TMCC1: variants seen among roughly 807,000 people sequenced by gnomAD.
TMCC1 encodes the protein transmembrane and coiled-coil domain family 1.
A neutral mutation model predicts 52.4 loss-of-function variants in TMCC1; 15 were observed. The ratio of observed to expected loss-of-function variants is 0.29; its 90% CI spans 0.19 to 0.44. The LOEUF (loss-of-function observed/expected upper bound fraction) is 0.44. TMCC1 is among the 20% of genes least tolerant of loss of function. The pLI, the probability that TMCC1 is intolerant of heterozygous loss-of-function variation, is 1.00. For synonymous variants in TMCC1, 279 were observed against 301.9 expected, an observed-to-expected ratio of 0.92 and a Z score of 0.79; for missense variants, 503 against 806.0, an observed-to-expected ratio of 0.62 and a Z score of 4.55.
At chr3:129,802,651 T>C (rs988635957) in intron 4 of TMCC1, among the ~76,000 whole-genome samples, 11 of 152,156 alleles carry the variant, frequency 7.2e-5, no homozygotes, top group Admixed American at 6.6e-4. Context: ...CAATAGCACC[T>C]AGGCCATTGT....
chr3:129,863,297 T>C (rs1340452490), intron 2 of TMCC1, among the ~76,000 whole-genome samples: 7 of 152,210 alleles, frequency 4.6e-5, no homozygotes. Flanking sequence ...TTCCAACAAA[T>C]TACCTTATTA....
At chr3:129,858,249 T>C (rs2060231092) in intron 2 of TMCC1, among the ~76,000 whole-genome samples, 2 of 152,238 alleles carry the variant, frequency 1.3e-5, no homozygotes, top group Non-Finnish European at 1.5e-5. Context: ...TAACACAACT[T>C]TCTGAACACC....
chr3:129,860,477 T>C (rs2060338254), intron 2 of TMCC1, among the ~76,000 whole-genome samples: 1 of 152,230 alleles, frequency 6.6e-6, no homozygotes, highest in African/African-American at 2.4e-5. Context: ...AATATGTGTA[T>C]ATGTTTGCAC....
rs180789803 is a variant in TMCC1, at chr3:129,882,269, C to T, written c.-434-1710G>A. On this transcript the variant is annotated intron_variant, in intron 1 of 6. Coordinates refer to ENST00000393238, the MANE Select transcript of TMCC1 (RefSeq NM_001017395.5). ...AAACACATAAAAAGATGCTCAATATCACAAATAATTAGGGAAATGCAAATC... is the reference window on the plus strand; with the variant it reads ...AAACACATAAAAAGATGCTCAATATTACAAATAATTAGGGAAATGCAAATC... Among the ~76,000 whole-genome samples the T allele has an allele frequency of 2.7e-4, 41 of 151,720 alleles. 1 individual carries two copies. The East Asian group carries it at 5.0e-3, about 19-fold the overall frequency.
chr3:129,770,799 A>T lies in TMCC1; in HGVS notation c.576+57004T>A, dbSNP rs140113103. Among the ~76,000 whole-genome samples the T allele has an allele frequency of 8.9e-4, 136 of 152,324 alleles. No individual in the cohort carries two copies. In the East Asian group the frequency reaches 0.021, roughly 24 times the overall value. ...GGATGCATAATCTGACTTTGGATTC[A>T]GGGATACTGCACAAATTTACATTTG... On this transcript the variant is annotated intron_variant, in intron 4 of 6. Transcript: ENST00000393238.
intron 4 of TMCC1, among the ~76,000 whole-genome samples, chr3:129,784,967 G>A (rs778109160): frequency 2.0e-5 from 3 of 152,064 alleles, no homozygotes; most frequent in Non-Finnish European, 4.4e-5. Context: ...GTGACAGAGC[G>A]AGACCCTCAT....
At chr3:129,701,855 A>G (rs1346457794) in intron 4 of TMCC1, among the ~76,000 whole-genome samples, 1 of 152,202 alleles carries the variant, frequency 6.6e-6, no homozygotes, top group African/African-American at 2.4e-5. Context: ...TACCACCTCC[A>G]GACTCAAAGA....
At position 129,828,266 on chromosome 3, in the gene TMCC1, G is replaced by A. The variant is rs750448734; in HGVS notation, c.113C>T (p.Thr38Ile). Residue 38 changes from threonine (T) to isoleucine (I), a missense_variant, in exon 4 of 7, where the codon ACC becomes ATC. Physicochemically the swap from Thr to Ile is moderately conservative, Grantham distance 89. Around this residue, in one of 7 missense-constraint regions of TMCC1, gnomAD observed 217 missense variants for 297.9 expected, o/e 0.73. Coordinates refer to ENST00000393238, the MANE Select transcript of TMCC1 (RefSeq NM_001017395.5). The surrounding 1 kb of genome is among the most constrained non-coding windows in gnomAD (Gnocchi z 4.1). Reference protein sequence around the residue: ...TESEQKLSKMTHNALENINVI... With the variant: ...TESEQKLSKMIHNALENINVI... ...GTTAATGTTCTCCAAAGCATTGTGGGTCATTTTAGACAATTTTTGTTCTGA... is the reference window on the plus strand; with the variant it reads ...GTTAATGTTCTCCAAAGCATTGTGGATCATTTTAGACAATTTTTGTTCTGA... 1.2e-6 allele frequency: 2 copies of A among 1,614,108 alleles called. No individual in the cohort carries two copies. The highest frequency in any genetic ancestry group is 2.2e-5 in the East Asian group (1 of 44,870).
chr3:129,826,070 C>T (rs896031119), intron 4 of TMCC1, among the ~76,000 whole-genome samples: 2 of 152,024 alleles, frequency 1.3e-5, no homozygotes. Context: ...GTCTATAATC[C>T]CAGAATCACT....
intron 4 of TMCC1, among the ~76,000 whole-genome samples, chr3:129,763,436 C>G (rs544654906): frequency 2.1e-5 from 3 of 141,060 alleles, no homozygotes; most frequent in African/African-American, 7.9e-5. Context: ...GTCCCAACTA[C>G]TTGGGAGGCT....
At chr3:129,831,752 T>C (rs755262495) in intron 3 of TMCC1, among the ~76,000 whole-genome samples, 11 of 152,204 alleles carry the variant, frequency 7.2e-5, no homozygotes, top group Admixed American at 5.9e-4. Context: ...AGAAATTCAA[T>C]AGTCTCAAAG....
Position 129,688,568 on chromosome 3 carries a change from C to A in TMCC1, c.577-17304G>T, listed in dbSNP as rs918084028. 1.2e-5 allele frequency: 12 copies of A among 985,474 alleles called. No individual in the cohort carries two copies. The African/African-American group carries it at 1.9e-4, about 16-fold the overall frequency. 61.0% of individuals were successfully genotyped at this position (985,474 alleles called of 1,614,324 possible). ...CATAGCCAATCCTCCGCAGTGCCCA[C>A]CTCAGCCTATGTATAGTTTCAATTC... On this transcript the variant is annotated intron_variant, in intron 4 of 6. Transcript: ENST00000393238.
chr3:129,712,001 CAAAAAAAAAAAAA>C (rs71155567), intron 4 of TMCC1, among the ~76,000 whole-genome samples: 1 of 47,722 alleles, frequency 2.1e-5, no homozygotes, highest in Non-Finnish European at 3.3e-5. Flanking sequence ...GACTCTGTCT[CAAAAAAAAAAAAA>C]AAAAAAAAAA....
At chr3:129,874,017 T>C (rs1577177883) in intron 2 of TMCC1, among the ~76,000 whole-genome samples, 1 of 152,090 alleles carries the variant, frequency 6.6e-6, no homozygotes, top group Non-Finnish European at 1.5e-5. Flanking sequence ...GTAATATAAA[T>C]ATATATGTAC....
intron 6 of TMCC1, among the ~76,000 whole-genome samples, chr3:129,654,554 G>A (rs1198007534): frequency 1.3e-5 from 2 of 152,110 alleles, no homozygotes; most frequent in Non-Finnish European, 2.9e-5. Flanking sequence ...ACTGCCTCAC[G>A]GGTTATTCTT....
chr3:129,798,152 T>C (rs371149266), intron 4 of TMCC1, among the ~76,000 whole-genome samples: 158 of 152,132 alleles, frequency 1.0e-3, no homozygotes, highest in African/African-American at 3.4e-3. Context: ...CCTGCCACCA[T>C]GCCCGGCTAA....
intron 4 of TMCC1, among the ~76,000 whole-genome samples, chr3:129,725,913 C>T (rs1224279461): frequency 1.3e-5 from 2 of 152,072 alleles, no homozygotes; most frequent in African/African-American, 2.4e-5. Flanking sequence ...AGTCTACTGC[C>T]AAAGGTAGGA....
intron 2 of TMCC1, chr3:129,866,908 A>G (rs1228284956): frequency 6.6e-6 from 1 of 152,212 alleles, no homozygotes; most frequent in Non-Finnish European, 1.5e-5. Context: ...CAAATGAAAT[A>G]CTTTTGAAAA....
intron 4 of TMCC1, among the ~76,000 whole-genome samples, chr3:129,718,598 T>C (rs2049291740): frequency 6.6e-6 from 1 of 152,196 alleles, no homozygotes; most frequent in African/African-American, 2.4e-5. Flanking sequence ...AAAAAGTTGA[T>C]TGCTTGATAT....
Sources: gnomAD v4.1 joint callset for allele counts (sites outside exome capture counted in the v4.1 genomes callset) on GRCh38, gnomAD v4.1.1 for gene constraint, gnomAD v4.1.1 regional missense constraint, Gnocchi (gnomAD v3.1) non-coding constraint, MANE v1.5 for transcripts, NCBI Gene and HGNC (gene_info 2026-07-23, HGNC 2026-07-21) for gene names.